DOCK10: variants seen among roughly 807,000 people sequenced by gnomAD.
DOCK10 encodes dedicator of cytokinesis 10.
In DOCK10, 145 loss-of-function variants were observed where a neutral mutation model predicts 280.1. The observed-to-expected ratio is 0.52, with a 90% CI of 0.45 to 0.59. DOCK10 has a LOEUF of 0.59. DOCK10 is among the 20% of genes least tolerant of loss of function. The pLI is 0.00. For missense variants in DOCK10, 2,368 were observed against 2,651.7 expected, an observed-to-expected ratio of 0.89 and a Z score of 2.35; for synonymous variants, 915 against 942.2, an observed-to-expected ratio of 0.97 and a Z score of 0.53.
At chr2:224,793,109 A>G (rs1353092352) in intron 46 of DOCK10, 37 bp from the exon 47 acceptor site, 12 of 1,413,454 alleles carry the variant, frequency 8.5e-6, no homozygotes, top group Non-Finnish European at 1.1e-5. Flanking sequence ...ACATTGCTAC[A>G]TGTTTATGTT....
At chr2:225,034,181 T>C (rs1398770837) in intron 1 of DOCK10, among the ~76,000 whole-genome samples, 1 of 152,214 alleles carries the variant, frequency 6.6e-6, no homozygotes, top group Non-Finnish European at 1.5e-5. Flanking sequence ...GCATGTGTAA[T>C]GAGGTCCTTC....
intron 11 of DOCK10, 117 bp downstream of exon 11, chr2:224,873,879 T>C (rs1698456563): frequency 9.4e-7 from 1 of 1,063,322 alleles, no homozygotes; most frequent in Non-Finnish European, 1.3e-6. Context: ...TAATATTCCC[T>C]GGTACACTAG....
intron 11 of DOCK10, among the ~76,000 whole-genome samples, chr2:224,871,822 C>T (rs1360479138): frequency 1.3e-5 from 2 of 152,192 alleles, no homozygotes; most frequent in African/African-American, 4.8e-5. Flanking sequence ...TTCCTGAATT[C>T]CTCTGGAACA....
intron 18 of DOCK10, among the ~76,000 whole-genome samples, chr2:224,851,873 A>G (rs1164450230): frequency 6.6e-6 from 1 of 152,148 alleles, no homozygotes; most frequent in Admixed American, 6.5e-5. Context: ...TATGGATCTT[A>G]CTAAATCATG....
At chr2:225,012,242 C>A (rs780168209) in intron 1 of DOCK10, among the ~76,000 whole-genome samples, 1 of 152,122 alleles carries the variant, frequency 6.6e-6, no homozygotes, top group African/African-American at 2.4e-5. Flanking sequence ...GAGGTTTTAA[C>A]CTCTGCTCTG....
At chr2:225,004,128 A>C (rs1039790426) in intron 1 of DOCK10, among the ~76,000 whole-genome samples, 3 of 152,192 alleles carry the variant, frequency 2.0e-5, no homozygotes, top group Non-Finnish European at 4.4e-5. Context: ...TATCCCAATC[A>C]CTGGAACTCA....
chr2:224,773,664 G>A (rs13397806), intron 52 of DOCK10, among the ~76,000 whole-genome samples: 2,692 of 147,138 alleles, frequency 0.018, 72 homozygotes, highest in African/African-American at 0.059. Flanking sequence ...GATGAGTCTC[G>A]CTCTGTAGCC....
intron 1 of DOCK10, among the ~76,000 whole-genome samples, chr2:224,941,703 G>A (rs1703091043): frequency 6.6e-6 from 1 of 151,988 alleles, no homozygotes; most frequent in Non-Finnish European, 1.5e-5. Context: ...AATTAGCCAG[G>A]CGTGGTGGCA....
intron 55 of DOCK10, chr2:224,768,935 G>T (rs200550917): frequency 8.8e-6 from 4 of 456,476 alleles, no homozygotes; most frequent in African/African-American, 2.0e-5. Context: ...TATAAACACG[G>T]ACCTCGACAG....
intron 7 of DOCK10, among the ~76,000 whole-genome samples, chr2:224,883,896 T>TA (rs1178783768): frequency 6.6e-6 from 1 of 152,230 alleles, no homozygotes; most frequent in Non-Finnish European, 1.5e-5. Context: ...TGGTACTTCT[T>TA]AAAAAATGAT....
intron 29 of DOCK10, among the ~76,000 whole-genome samples, chr2:224,818,084 G>C (rs375352026): frequency 1.8e-3 from 272 of 152,288 alleles, no homozygotes; most frequent in African/African-American, 6.1e-3. Context: ...GTGTTGGGGG[G>C]AGAAAATGGC....
At chr2:224,861,648 A>G (rs1322113718) in intron 14 of DOCK10, 4 of 152,220 alleles carry the variant, frequency 2.6e-5, no homozygotes, top group African/African-American at 9.6e-5. Context: ...TAAAAATGGC[A>G]TAATTAACAG....
chr2:224,897,406 C>G (rs1468205247), intron 3 of DOCK10, among the ~76,000 whole-genome samples: 1 of 152,098 alleles, frequency 6.6e-6, no homozygotes, highest in Non-Finnish European at 1.5e-5. Flanking sequence ...GTGTTATGAA[C>G]CATCCAATTA....
chr2:225,031,923 T>C (rs1394362666), intron 1 of DOCK10, among the ~76,000 whole-genome samples: 4 of 152,162 alleles, frequency 2.6e-5, no homozygotes, highest in Non-Finnish European at 4.4e-5. Context: ...TCCATTCCAC[T>C]AGCCCTGTCC....
At position 224,807,062 on chromosome 2, in the gene DOCK10, AT is replaced by A. The variant is rs1693437753; in HGVS notation, c.3702+605del. 2.6e-5 allele frequency among the ~76,000 whole-genome samples: 4 copies of A among 152,176 alleles called. No individual in the cohort carries two copies. In the South Asian group the frequency reaches 8.3e-4, roughly 32 times the overall value. ...GAGTCTTAAGGAGGTTGGCTAACTT[AT>A]TTCCAGTCACCCAGATAGTCACTGA... On this transcript the variant is annotated intron_variant, in intron 33 of 55. Transcript: ENST00000258390.
At position 224,854,838 on chromosome 2, in the gene DOCK10, T is replaced by C. The variant is rs1171261047; in HGVS notation, c.1888+125A>G. ...TTGGGAAAAAAAAAACCCAAAACCT[T>C]GTAACCAACCAACTAGCCAACCAAC... On this transcript the variant is annotated intron_variant, in intron 16 of 55. Transcript: ENST00000258390. 47 of 635,514 alleles carry C rather than the reference T, an allele frequency of 7.4e-5. No homozygotes were observed. The East Asian group carries it at 1.3e-3, about 17-fold the overall frequency. The allele number at this position is 635,514 out of a possible 1,614,324, so 39.4% of individuals were successfully genotyped here.
intron 1 of DOCK10, among the ~76,000 whole-genome samples, chr2:224,983,042 C>T (rs1373219105): frequency 6.6e-6 from 1 of 152,212 alleles, no homozygotes; most frequent in Non-Finnish European, 1.5e-5. Flanking sequence ...TGTTCCCACA[C>T]ATGCAGTTCT....
intron 3 of DOCK10, among the ~76,000 whole-genome samples, chr2:224,910,079 C>G (rs958059818): frequency 6.6e-6 from 1 of 152,154 alleles, no homozygotes; most frequent in African/African-American, 2.4e-5. Context: ...TAGATTCTTG[C>G]CAATCTGTTG....
chr2:224,925,419 C>A (rs932842789), intron 2 of DOCK10, among the ~76,000 whole-genome samples: 2 of 152,160 alleles, frequency 1.3e-5, no homozygotes, highest in Admixed American at 1.3e-4. Flanking sequence ...TTTGAGTACC[C>A]TGGGACACAA....
Sources: gnomAD v4.1 joint callset for allele counts (sites outside exome capture counted in the v4.1 genomes callset) on GRCh38, gnomAD v4.1.1 for gene constraint, MANE v1.5 for transcripts, NCBI Gene and HGNC (gene_info 2026-07-23, HGNC 2026-07-21) for gene names.